Variants in NDST4 observed in about 807,000 individuals in gnomAD.
NDST4 encodes N-heparan sulfate sulfotransferase 4.
NDST4 carries 63 observed loss-of-function variants against 100.8 expected under a neutral mutation model. That is an observed-to-expected ratio of 0.62 (90% CI 0.51 to 0.77). The LOEUF is 0.77. Among genes scored for constraint, NDST4 ranks in the 30% least tolerant of loss-of-function variants. NDST4 has a pLI of 0.00. For missense variants in NDST4, 943 were observed against 1,018.4 expected (o/e 0.93, Z 1.01); for synonymous variants, 377 against 361.8 (o/e 1.04, Z -0.48).
intron 2 of NDST4, among the ~76,000 whole-genome samples, chr4:114,983,417 C>T (rs957344009): frequency 3.3e-5 from 5 of 152,182 alleles, no homozygotes; most frequent in African/African-American, 1.2e-4. Context: ...GAGACCTGAA[C>T]TCAAAGAAGA....
intron 6 of NDST4, among the ~76,000 whole-genome samples, chr4:114,910,966 T>C (rs1342575017): frequency 6.6e-6 from 1 of 152,216 alleles, no homozygotes; most frequent in Admixed American, 6.5e-5. Context: ...TAATTTCTGC[T>C]TTGCAATAGC....
At chr4:115,078,135 T>C (rs1218174714) in intron 1 of NDST4, among the ~76,000 whole-genome samples, 1 of 152,144 alleles carries the variant, frequency 6.6e-6, no homozygotes, top group Admixed American at 6.6e-5. Flanking sequence ...AAAAAACACC[T>C]GAGACTGGAA....
chr4:115,040,703 A>G (rs1280538407), intron 2 of NDST4, among the ~76,000 whole-genome samples: 1 of 152,018 alleles, frequency 6.6e-6, no homozygotes, highest in African/African-American at 2.4e-5. Flanking sequence ...CAAAGTAGCT[A>G]AAACCAGACC....
intron 4 of NDST4, among the ~76,000 whole-genome samples, chr4:114,938,292 C>G (rs986239599): frequency 6.6e-6 from 1 of 152,130 alleles, no homozygotes; most frequent in African/African-American, 2.4e-5. Flanking sequence ...TGAACCTTAA[C>G]AACTCAATTT....
intron 6 of NDST4, among the ~76,000 whole-genome samples, chr4:114,893,024 T>A (rs1331802483): frequency 2.0e-5 from 3 of 152,178 alleles, no homozygotes; most frequent in Non-Finnish European, 4.4e-5. Flanking sequence ...GTTAGTTTGC[T>A]GAGGATGATG....
In NDST4 at chr4:114,935,238, C is replaced by T; in HGVS notation, c.1504G>A (p.Gly502Ser). The T allele has an allele frequency of 6.2e-7, 1 of 1,607,434 alleles. No individual in the cohort carries two copies. The highest frequency in any genetic ancestry group is 8.5e-7 in the Non-Finnish European group (1 of 1,176,962). Residue 502 changes from glycine to serine, a missense_variant, in exon 6 of 14, where the codon GGT becomes AGT. By Grantham distance (56) the Gly-to-Ser change is moderately conservative. Around this residue, in one of 2 missense-constraint regions of NDST4, gnomAD observed 526 missense variants for 634.1 expected, o/e 0.83. Coordinates refer to ENST00000264363, the MANE Select transcript of NDST4 (RefSeq NM_022569.3). ...AGAAGGATTGTGAGAAAAAGTTCAC[C>T]TCCTCTGATACTTTTATCCAGTTCT... ...PQELDKSIRG[G>S]ELFLTILLNP... is the part of the protein sequence containing the mutation.
intron 3 of NDST4, among the ~76,000 whole-genome samples, chr4:114,973,969 A>G (rs1031147327): frequency 6.6e-6 from 1 of 151,872 alleles, no homozygotes; most frequent in Non-Finnish European, 1.5e-5. Flanking sequence ...AAAGCTACCT[A>G]TGGTTCCAAA....
At chr4:114,907,814 T>C (rs1219775400) in intron 6 of NDST4, among the ~76,000 whole-genome samples, 1 of 151,544 alleles carries the variant, frequency 6.6e-6, no homozygotes, top group Non-Finnish European at 1.5e-5. Flanking sequence ...AAAGAGAGGG[T>C]CCTAACTTAT....
chr4:114,912,020 A>T (rs1187835399), intron 6 of NDST4, among the ~76,000 whole-genome samples: 1 of 152,202 alleles, frequency 6.6e-6, no homozygotes, highest in Admixed American at 6.5e-5. Flanking sequence ...ATAACCTGCT[A>T]CCAATGGAAC....
intron 8 of NDST4, among the ~76,000 whole-genome samples, chr4:114,851,595 C>T (rs1578343345): frequency 1.3e-5 from 2 of 152,134 alleles, no homozygotes; most frequent in African/African-American, 4.8e-5. Context: ...GGGGATACAT[C>T]TTTCTATTAG....
chr4:115,004,722 G>A (rs1479109071), intron 2 of NDST4, among the ~76,000 whole-genome samples: 1 of 152,158 alleles, frequency 6.6e-6, no homozygotes, highest in East Asian at 1.9e-4. Flanking sequence ...AGTCCAGTGA[G>A]TTGTATAAGA....
intron 4 of NDST4, among the ~76,000 whole-genome samples, chr4:114,968,609 G>A (rs2620424): frequency 0.42 from 63,361 of 151,952 alleles, 14,360 homozygotes; most frequent in African/African-American, 0.6. Context: ...CAGGCAATTC[G>A]TAAAGGAATG....
intron 7 of NDST4, among the ~76,000 whole-genome samples, chr4:114,860,509 C>T (rs1322634390): frequency 6.6e-6 from 1 of 152,042 alleles, no homozygotes; most frequent in Non-Finnish European, 1.5e-5. Flanking sequence ...AAAATAAAGC[C>T]ACACTCCCTG....
At chr4:115,017,668 T>C (rs1727707505) in intron 2 of NDST4, among the ~76,000 whole-genome samples, 1 of 152,030 alleles carries the variant, frequency 6.6e-6, no homozygotes, top group Non-Finnish European at 1.5e-5. Flanking sequence ...ATTAAAACAT[T>C]CAGATGATAA....
intron 4 of NDST4, among the ~76,000 whole-genome samples, chr4:114,950,656 T>C (rs1203301264): frequency 6.6e-6 from 1 of 152,084 alleles, no homozygotes; most frequent in Non-Finnish European, 1.5e-5. Flanking sequence ...TATGTGGATT[T>C]TACTGGAAGA....
intron 2 of NDST4, among the ~76,000 whole-genome samples, chr4:114,981,942 A>C (rs1336642350): frequency 6.6e-6 from 1 of 152,114 alleles, no homozygotes; most frequent in Non-Finnish European, 1.5e-5. Flanking sequence ...TGGTTTCTAA[A>C]GGTTTAGCAC....
At chr4:114,859,722 C>A (rs1391887382) in intron 7 of NDST4, among the ~76,000 whole-genome samples, 1 of 152,172 alleles carries the variant, frequency 6.6e-6, no homozygotes. Flanking sequence ...GGAAGACTGA[C>A]CTGCTTGCCT....
chr4:114,859,859 T>C (rs1381918517), intron 7 of NDST4, among the ~76,000 whole-genome samples: 3 of 152,154 alleles, frequency 2.0e-5, no homozygotes, highest in African/African-American at 7.2e-5. Flanking sequence ...CCCTTATAGG[T>C]TTTTCCTGAA....
Position 115,076,466 on chromosome 4 carries a change from T to G in NDST4, c.571A>C (p.Lys191Gln). The G allele has an allele frequency of 6.2e-7, 1 of 1,613,928 alleles. No homozygotes were observed. ...PLNLFNNLALKDCFVNPQSPL... is the reference protein window; with the variant it reads ...PLNLFNNLALQDCFVNPQSPL... ...GATTGAGGGTTAACAAAACAGTCCT[T>G]TAGAGCTAGATTATTGAAAAGGTTT... is the stretch of plus-strand genomic sequence containing the variant. The change falls in exon 2 of 14, where the codon AAG (lysine) becomes CAG (glutamine). Residue 191 changes from lysine (K) to glutamine (Q), a missense_variant. Lys to Gln is a moderately conservative substitution (Grantham distance 53). Around this residue, in one of 2 missense-constraint regions of NDST4, gnomAD observed 417 missense variants for 384.2 expected, o/e 1.09. Coordinates refer to ENST00000264363, the MANE Select transcript of NDST4 (RefSeq NM_022569.3).
Sources: allele counts gnomAD v4.1 joint callset (sites outside exome capture counted in the v4.1 genomes callset), GRCh38; gene constraint gnomAD v4.1.1; regional missense constraint gnomAD v4.1.1; transcripts MANE v1.5; gene names NCBI Gene and HGNC (gene_info 2026-07-23, HGNC 2026-07-21).